GALNT17: variants seen among roughly 807,000 people sequenced by gnomAD.
GALNT17 encodes polypeptide N-acetylgalactosaminyltransferase 17.
A neutral mutation model predicts 63.7 loss-of-function variants in GALNT17; 29 were observed. The ratio of observed to expected loss-of-function variants is 0.46; its 90% CI spans 0.34 to 0.62. GALNT17 has a LOEUF of 0.62. GALNT17 is among the 20% of genes least tolerant of loss of function. GALNT17 has a pLI of 0.01. For missense variants in GALNT17, 603 were observed against 799.6 expected (o/e 0.75, Z 2.97); for synonymous variants, 305 against 318.3 (o/e 0.96, Z 0.45).
intron 2 of GALNT17, among the ~76,000 whole-genome samples, chr7:71,374,715 C>T (rs898933035): frequency 4.4e-5 from 4 of 91,318 alleles, no homozygotes; most frequent in African/African-American, 2.3e-4. Flanking sequence ...TCTGGCAGTT[C>T]AGGATGGGAA....
At chr7:71,454,011 A>G (rs993081792) in intron 5 of GALNT17, among the ~76,000 whole-genome samples, 6 of 152,214 alleles carry the variant, frequency 3.9e-5, no homozygotes, top group African/African-American at 1.4e-4. Flanking sequence ...TATTCACACT[A>G]TGATATCAAA....
chr7:71,191,463 C>T (rs1053694723), intron 1 of GALNT17, among the ~76,000 whole-genome samples: 14 of 152,024 alleles, frequency 9.2e-5, no homozygotes, highest in Non-Finnish European at 1.8e-4. Context: ...AACTACTCAA[C>T]TCTGCTGTTG....
chr7:71,269,131 A>G (rs1790541818), intron 1 of GALNT17, among the ~76,000 whole-genome samples: 1 of 152,182 alleles, frequency 6.6e-6, no homozygotes, highest in Non-Finnish European at 1.5e-5. Context: ...ATCTTTGACC[A>G]CTGCCAAGAG....
chr7:71,701,129 A>G (rs932031901), intron 9 of GALNT17, among the ~76,000 whole-genome samples: 13 of 152,194 alleles, frequency 8.5e-5, no homozygotes, highest in African/African-American at 3.1e-4. Flanking sequence ...GCAAGGAGAA[A>G]GATAGGGAGT....
intron 6 of GALNT17, among the ~76,000 whole-genome samples, chr7:71,626,253 A>AAG (rs1306542817): frequency 6.6e-6 from 1 of 151,504 alleles, no homozygotes; most frequent in Non-Finnish European, 1.5e-5. Context: ...AAAAAAAAAA[A>AAG]AAGAAGGGAC....
intron 1 of GALNT17, among the ~76,000 whole-genome samples, chr7:71,153,000 A>G (rs1788161450): frequency 1.3e-5 from 2 of 152,160 alleles, no homozygotes; most frequent in South Asian, 2.1e-4. Flanking sequence ...CTAACCTTCC[A>G]TAGAGAAAGT....
chr7:71,583,725 ATG>A (rs1408024744), intron 6 of GALNT17, among the ~76,000 whole-genome samples: 11 of 33,614 alleles, frequency 3.3e-4, no homozygotes, highest in African/African-American at 1.3e-3. Context: ...ATGAACACAC[ATG>A]CACACACACA....
chr7:71,228,538 C>T (rs1292939185), intron 1 of GALNT17, among the ~76,000 whole-genome samples: 1 of 152,206 alleles, frequency 6.6e-6, no homozygotes, highest in Non-Finnish European at 1.5e-5. Flanking sequence ...AAGGTGTCAG[C>T]AGGGCTGCAC....
chr7:71,300,279 G>C (rs563888245), intron 1 of GALNT17: 3 of 312,892 alleles, frequency 9.6e-6, no homozygotes, highest in South Asian at 2.4e-5. Flanking sequence ...TCATGAAAGA[G>C]AGGAAATGTA....
chr7:71,500,762 G>T (rs571650397), intron 5 of GALNT17, among the ~76,000 whole-genome samples: 35 of 152,006 alleles, frequency 2.3e-4, no homozygotes, highest in Non-Finnish European at 4.7e-4. Flanking sequence ...GGGAAGATGG[G>T]CTCTGATCAC....
chr7:71,275,591 G>A (rs772418976), intron 1 of GALNT17, among the ~76,000 whole-genome samples: 16 of 152,288 alleles, frequency 1.1e-4, no homozygotes, highest in East Asian at 1.9e-4. Flanking sequence ...ACAGCTCAGC[G>A]CCTGTCACAT....
At chr7:71,520,846 GAGGAGAGACT>G (rs1211454240) in intron 5 of GALNT17, among the ~76,000 whole-genome samples, 8 of 152,280 alleles carry the variant, frequency 5.3e-5, no homozygotes, top group Admixed American at 3.3e-4. Flanking sequence ...GCACTATCAG[GAGGAGAGACT>G]AGGAGAGGAG....
intron 5 of GALNT17, among the ~76,000 whole-genome samples, chr7:71,448,722 A>G (rs1197992574): frequency 6.6e-6 from 1 of 152,254 alleles, no homozygotes; most frequent in Non-Finnish European, 1.5e-5. Flanking sequence ...CAGAGAATAC[A>G]GGCGCAAAAG....
intron 3 of GALNT17, 32 bp downstream of exon 3, chr7:71,388,433 T>C (rs200063449): frequency 1.8e-5 from 29 of 1,593,056 alleles, no homozygotes; most frequent in Non-Finnish European, 2.5e-5. Flanking sequence ...GCACAGGACA[T>C]GATGACAGCA....
At chr7:71,699,309 C>T (rs1791593874) in intron 9 of GALNT17, among the ~76,000 whole-genome samples, 1 of 151,700 alleles carries the variant, frequency 6.6e-6, no homozygotes, top group African/African-American at 2.4e-5. Context: ...GAAACCCCGT[C>T]TCTACTACAA....
At position 71,204,555 on chromosome 7, in the gene GALNT17, CTCTTT is replaced by C. The variant is rs1416215758; in HGVS notation, c.238+71517_238+71521del. ...CATGGAGTATCTTTTCTCTTCTCTTCTCTTTTTTCTTTTTCTTTTTTTTTTTTTGA... is the reference window on the plus strand; with the variant it reads ...CATGGAGTATCTTTTCTCTTCTCTTCTTTCTTTTTCTTTTTTTTTTTTTGA... On this transcript the variant is annotated intron_variant, in intron 1 of 10. Coordinates refer to ENST00000333538, the MANE Select transcript of GALNT17 (RefSeq NM_022479.3). Among the ~76,000 whole-genome samples the C allele has an allele frequency of 6.7e-5, 10 of 148,824 alleles. No individual in the cohort carries two copies. In the South Asian group the frequency reaches 8.5e-4, roughly 13 times the overall value.
chr7:71,517,796 G>C (rs1788468388), intron 5 of GALNT17, among the ~76,000 whole-genome samples: 1 of 152,208 alleles, frequency 6.6e-6, no homozygotes, highest in African/African-American at 2.4e-5. Context: ...ACAGTAGGGA[G>C]ATAGACATGG....
At chr7:71,547,014 C>A (rs773570507) in intron 5 of GALNT17, among the ~76,000 whole-genome samples, 8 of 151,858 alleles carry the variant, frequency 5.3e-5, no homozygotes, top group Non-Finnish European at 8.8e-5. Context: ...TTTCTTGAGA[C>A]AGAGTCTCAC....
intron 5 of GALNT17, among the ~76,000 whole-genome samples, chr7:71,446,104 A>G (rs1017750013): frequency 5.3e-5 from 8 of 152,152 alleles, no homozygotes; most frequent in African/African-American, 1.9e-4. Context: ...AGAGCTCCAT[A>G]ATTTGTCTAC....
Sources: allele counts gnomAD v4.1 joint callset (sites outside exome capture counted in the v4.1 genomes callset), GRCh38; gene constraint gnomAD v4.1.1; transcripts MANE v1.5; gene names NCBI Gene and HGNC (gene_info 2026-07-23, HGNC 2026-07-21).